CERS3: variants seen among roughly 807,000 people sequenced by gnomAD.
The protein encoded by CERS3 is ceramide synthase 3.
CERS3 carries 33 observed loss-of-function variants against 50.3 expected under a neutral mutation model. The observed-to-expected ratio is 0.66, with a 90% CI of 0.50 to 0.88. The LOEUF (loss-of-function observed/expected upper bound fraction) is 0.88. CERS3 is among the 40% of genes least tolerant of loss of function. The probability of loss-of-function intolerance (pLI) is 0.00; values close to 1 mark genes in which losing one functional copy is unlikely to be tolerated. For synonymous variants in CERS3, 176 were observed against 155.2 expected (o/e 1.13, Z -0.99); for missense variants, 470 against 460.3 (o/e 1.02, Z -0.19).
intron 1 of CERS3, among the ~76,000 whole-genome samples, chr15:100,528,045 A>G (rs2036845256): frequency 6.6e-6 from 1 of 152,238 alleles, no homozygotes; most frequent in Non-Finnish European, 1.5e-5. Context: ...TAATGAATAA[A>G]TTAAAATTCA....
chr15:100,501,613 CTG>C, intron 3 of CERS3, 62 bp downstream of exon 3: 1 of 1,380,504 alleles, frequency 7.2e-7, no homozygotes, highest in African/African-American at 1.4e-5. Flanking sequence ...AAGCCTAAGA[CTG>C]TATTATTCTA....
At chr15:100,470,246 C>G (rs1048623531) in intron 9 of CERS3, among the ~76,000 whole-genome samples, 6 of 152,170 alleles carry the variant, frequency 3.9e-5, no homozygotes, top group Admixed American at 3.3e-4. Flanking sequence ...GATCACTCTT[C>G]TAGGGAACGT....
upstream of CERS3, among the ~76,000 whole-genome samples, chr15:100,533,562 C>CT (rs59483467): frequency 0.014 from 1,529 of 112,380 alleles, 50 homozygotes; most frequent in African/African-American, 0.036. Flanking sequence ...CCCTCTCTCT[C>CT]TTTTTTTTTT....
intron 8 of CERS3, among the ~76,000 whole-genome samples, chr15:100,473,578 CA>C (rs982281468): frequency 2.0e-5 from 3 of 152,120 alleles, no homozygotes; most frequent in Admixed American, 6.6e-5. Flanking sequence ...TGGGAGAATA[CA>C]AACCAAAACC....
At chr15:100,504,011 G>T (rs1393938) in intron 2 of CERS3, among the ~76,000 whole-genome samples, 1 of 151,980 alleles carries the variant, frequency 6.6e-6, no homozygotes. Context: ...ATACAAGAGG[G>T]GAATACTGAA....
intron 1 of CERS3, among the ~76,000 whole-genome samples, chr15:100,527,100 A>G (rs1482135421): frequency 6.6e-6 from 1 of 152,020 alleles, no homozygotes; most frequent in East Asian, 1.9e-4. Context: ...TCGAGACTAG[A>G]CTGACCAACA....
chr15:100,427,604 A>C (rs1322898839), intron 11 of CERS3, among the ~76,000 whole-genome samples: 1 of 152,170 alleles, frequency 6.6e-6, no homozygotes, highest in East Asian at 1.9e-4. Flanking sequence ...TCCTGCTTTG[A>C]GGCCCACCTC....
intron 11 of CERS3, among the ~76,000 whole-genome samples, chr15:100,449,087 G>A (rs567295605): frequency 8.1e-4 from 124 of 152,228 alleles, no homozygotes; most frequent in Admixed American, 1.6e-3. Flanking sequence ...GGTCTGCTTC[G>A]CCTGGTTCCA....
chr15:100,407,272 G>A lies in CERS3; in HGVS notation c.1000-4407C>T, dbSNP rs942146976. Among the ~76,000 whole-genome samples, 19 of 152,276 alleles carry A rather than the reference G, an allele frequency of 1.2e-4. No individual in the cohort carries two copies. In the Middle Eastern group the frequency reaches 0.01, roughly 82 times the overall value. On this transcript the variant is annotated intron_variant, in intron 11 of 11. Coordinates refer to ENST00000679737, the MANE Select transcript of CERS3 (RefSeq NM_001378789.1). ...AAGAAAGAAACCAGTCCTTGAGGGC[G>A]CCACCCCATCTGCTCCCAACCACAC...
chr15:100,451,268 A>C (rs2034154078), intron 11 of CERS3, among the ~76,000 whole-genome samples: 1 of 152,254 alleles, frequency 6.6e-6, no homozygotes, highest in Admixed American at 6.5e-5. Context: ...ATAAAATGAC[A>C]GAAATAACCC....
intron 11 of CERS3, among the ~76,000 whole-genome samples, chr15:100,424,350 G>T (rs2142099787): frequency 6.6e-6 from 1 of 152,322 alleles, no homozygotes; most frequent in South Asian, 2.1e-4. Context: ...TTGAAACTGG[G>T]TAATGGGAAG....
intron 11 of CERS3, among the ~76,000 whole-genome samples, chr15:100,407,694 A>T (rs1313308250): frequency 6.6e-6 from 1 of 152,238 alleles, no homozygotes; most frequent in Non-Finnish European, 1.5e-5. Flanking sequence ...TTGTATCAGT[A>T]CTGGACATTT....
intron 2 of CERS3, among the ~76,000 whole-genome samples, chr15:100,518,686 T>C (rs1181050483): frequency 6.6e-6 from 1 of 152,356 alleles, no homozygotes; most frequent in East Asian, 1.9e-4. Flanking sequence ...TGTGCTAACA[T>C]ACACAGGATT....
intron 4 of CERS3, among the ~76,000 whole-genome samples, chr15:100,484,870 T>G (rs1478384344): frequency 6.6e-6 from 1 of 152,140 alleles, no homozygotes; most frequent in Admixed American, 6.5e-5. Flanking sequence ...AATGTTACTA[T>G]CCCAGCTCTC....
chr15:100,483,798 T>TTTTTTA (rs2035399722), intron 5 of CERS3, among the ~76,000 whole-genome samples: 2 of 139,080 alleles, frequency 1.4e-5, no homozygotes, highest in Admixed American at 7.1e-5. Context: ...TTTTTTTTTT[T>TTTTTTA]GAGACAGAGT....
chr15:100,451,584 G>T (rs2034171045), intron 11 of CERS3, among the ~76,000 whole-genome samples: 1 of 152,154 alleles, frequency 6.6e-6, no homozygotes. Flanking sequence ...GTGGGCACCT[G>T]TAGTTCCACC....
intron 11 of CERS3, chr15:100,425,952 G>T (rs1048520897): frequency 6.6e-6 from 1 of 152,158 alleles, no homozygotes; most frequent in South Asian, 2.1e-4. Context: ...GTTTAAAAGT[G>T]TGTAGCACCT....
At chr15:100,488,910 G>A (rs1390661901) in intron 4 of CERS3, among the ~76,000 whole-genome samples, 1 of 151,912 alleles carries the variant, frequency 6.6e-6, no homozygotes, top group Non-Finnish European at 1.5e-5. Context: ...CCAAGTAGCT[G>A]GGATTACAGG....
intron 9 of CERS3, among the ~76,000 whole-genome samples, chr15:100,470,002 G>A (rs1049010928): frequency 1.3e-5 from 2 of 152,202 alleles, no homozygotes; most frequent in African/African-American, 4.8e-5. Flanking sequence ...TTGAAATAAA[G>A]TTTCAAGCAT....
Sources: gnomAD v4.1 joint callset for allele counts (sites outside exome capture counted in the v4.1 genomes callset) on GRCh38, gnomAD v4.1.1 for gene constraint, MANE v1.5 for transcripts, NCBI Gene and HGNC (gene_info 2026-07-23, HGNC 2026-07-21) for gene names.